The following GPLD1 variants were observed in gnomAD, a reference collection of about 807,000 sequenced individuals.
GPLD1 encodes glycosylphosphatidylinositol specific phospholipase D1.
Under a neutral mutation model 112.6 loss-of-function variants are expected in GPLD1, and 84 were observed. The observed-to-expected ratio is 0.75, with a 90% CI of 0.63 to 0.89. GPLD1 has a LOEUF of 0.89. Ranked by LOEUF, GPLD1 falls within the 40% of genes least tolerant of loss-of-function variation. GPLD1 has a pLI of 0.00. For missense variants in GPLD1, 1,044 were observed against 1,051.5 expected (o/e 0.99, Z 0.10); for synonymous variants, 386 against 403.8 (o/e 0.96, Z 0.53).
chr6:24,471,366 G>A (rs1020378469), intron 7 of GPLD1, among the ~76,000 whole-genome samples: 2 of 152,042 alleles, frequency 1.3e-5, no homozygotes, highest in Non-Finnish European at 1.5e-5. Flanking sequence ...TGGAGGCTGA[G>A]GTGGGAGGAT....
chr6:24,443,208 T>C (rs1762802460), intron 20 of GPLD1, among the ~76,000 whole-genome samples: 1 of 152,052 alleles, frequency 6.6e-6, no homozygotes, highest in South Asian at 2.1e-4. Context: ...AAGAAACTGT[T>C]TTAAAGGAAG....
intron 2 of GPLD1, among the ~76,000 whole-genome samples, chr6:24,483,946 T>C (rs188616651): frequency 1.2e-3 from 180 of 152,044 alleles, no homozygotes; most frequent in African/African-American, 4.2e-3. Context: ...AGTCTCACTC[T>C]GTCTCCCAGG....
chr6:24,437,196 A>G lies in GPLD1; in HGVS notation c.2114T>C (p.Leu705Pro). 2 of 1,614,210 alleles carry G rather than the reference A, an allele frequency of 1.2e-6. No individual in the cohort carries two copies. Among genetic ancestry groups the G allele is most frequent in the Non-Finnish European group, 1.7e-6 (2 of 1,179,990 alleles). The change falls in exon 21 of 25, where the codon CTG becomes CCG. Residue 705 changes from leucine to proline, a missense_variant. By Grantham distance (98) the Leu-to-Pro change is moderately conservative. Transcript: ENST00000230036. ...GCGGTCTCCGCTGAAGGTGCTGAGCAGCAGAGGCTGCGCGTCAGATGTGAG... is the reference window on the plus strand; with the variant it reads ...GCGGTCTCCGCTGAAGGTGCTGAGCGGCAGAGGCTGCGCGTCAGATGTGAG... ...YALTSDAQPL[L>P]LSTFSGDRRF...
intron 20 of GPLD1, among the ~76,000 whole-genome samples, chr6:24,438,945 C>T (rs1762663710): frequency 6.6e-6 from 1 of 152,116 alleles, no homozygotes; most frequent in Admixed American, 6.5e-5. Flanking sequence ...CGCCACCACG[C>T]CTAATTTTTT....
chr6:24,452,333 T>C (rs2127339786), intron 14 of GPLD1, among the ~76,000 whole-genome samples: 2 of 152,350 alleles, frequency 1.3e-5, no homozygotes, highest in Admixed American at 1.3e-4. Context: ...AAATTTTTCA[T>C]GTGGTGTCAG....
At chr6:24,482,846 G>A (rs112485842) in intron 2 of GPLD1, among the ~76,000 whole-genome samples, 4,644 of 152,190 alleles carry the variant, frequency 0.031, 154 homozygotes, top group African/African-American at 0.072. Context: ...TTGGGAGGCT[G>A]AGGTGGGAGG....
chr6:24,459,735 G>C (rs1763375268), intron 12 of GPLD1, among the ~76,000 whole-genome samples: 1 of 152,176 alleles, frequency 6.6e-6, no homozygotes, highest in Non-Finnish European at 1.5e-5. Flanking sequence ...TAACTTCATT[G>C]ATTAATTTCA....
At chr6:24,484,115 C>A (rs1764293523) in intron 2 of GPLD1, among the ~76,000 whole-genome samples, 1 of 151,872 alleles carries the variant, frequency 6.6e-6, no homozygotes, top group Non-Finnish European at 1.5e-5. Flanking sequence ...CGGGGTTTCA[C>A]CGTGTTAGCC....
chr6:24,481,440 T>C (rs952869472), intron 2 of GPLD1, among the ~76,000 whole-genome samples: 19 of 151,234 alleles, frequency 1.3e-4, no homozygotes, highest in Admixed American at 1.2e-3. Context: ...CAAAGAAAGA[T>C]AGTATCATCT....
At chr6:24,439,526 A>G (rs1264276774) in intron 20 of GPLD1, among the ~76,000 whole-genome samples, 3 of 152,258 alleles carry the variant, frequency 2.0e-5, no homozygotes, top group Non-Finnish European at 4.4e-5. Context: ...AGAGAAGCAT[A>G]TAATTTAAAA....
intron 12 of GPLD1, among the ~76,000 whole-genome samples, chr6:24,459,094 G>C (rs560809293): frequency 6.6e-6 from 1 of 152,006 alleles, no homozygotes; most frequent in African/African-American, 2.4e-5. Context: ...CGACTACTCA[G>C]ATTTCCCAAC....
At chr6:24,476,344 C>G (rs1306060986) in intron 3 of GPLD1, 66 bp from the exon 4 acceptor site, 10 of 791,586 alleles carry the variant, frequency 1.3e-5, no homozygotes, top group Non-Finnish European at 2.2e-5. Context: ...TCAAATCTTC[C>G]ACACCACCCG....
chr6:24,452,034 CAG>C (rs201856525), intron 14 of GPLD1, among the ~76,000 whole-genome samples: 4,100 of 152,296 alleles, frequency 0.027, 61 homozygotes, highest in Middle Eastern at 0.071. Context: ...AATGAGGACA[CAG>C]AGATGCTCAC....
rs754765403 is a variant in GPLD1 at position 24,448,147 on chromosome 6, G to C, written c.1508C>G (p.Thr503Ser). ...TGGTAAACATACCTGGCAAGAAATG[G>C]TGATGTTAGGGGAAGAAGACATTCC... ...QGGMSSSPNI[T>S]ISCQDIYCNL... The change falls in exon 16 of 25, where the codon ACC becomes AGC. Residue 503 changes from threonine to serine, a missense_variant. Coordinates refer to ENST00000230036, the MANE Select transcript of GPLD1 (RefSeq NM_001503.4). The C allele has an allele frequency of 1.9e-6, 3 of 1,611,506 alleles. No homozygotes were observed. The highest frequency in any genetic ancestry group is 2.2e-5 in the South Asian group (2 of 90,930).
intron 7 of GPLD1, among the ~76,000 whole-genome samples, chr6:24,468,372 T>C (rs1763687645): frequency 6.6e-6 from 1 of 152,206 alleles, no homozygotes; most frequent in African/African-American, 2.4e-5. Flanking sequence ...CTTTGCCTAA[T>C]TGTTTCACTA....
intron 1 of GPLD1, chr6:24,494,870 C>A (rs1205350968): frequency 1.6e-5 from 18 of 1,096,734 alleles, no homozygotes; most frequent in African/African-American, 3.3e-5. Flanking sequence ...TGCAACCTTC[C>A]GCCAGCTCCC....
At chr6:24,437,937 C>A (rs1308554933) in intron 20 of GPLD1, among the ~76,000 whole-genome samples, 1 of 152,198 alleles carries the variant, frequency 6.6e-6, no homozygotes, top group Non-Finnish European at 1.5e-5. Context: ...TGCTCCCATA[C>A]ATAATAACAC....
At chr6:24,461,653 C>G (rs1763441584) in intron 11 of GPLD1, among the ~76,000 whole-genome samples, 1 of 151,938 alleles carries the variant, frequency 6.6e-6, no homozygotes, top group Non-Finnish European at 1.5e-5. Flanking sequence ...GGAGAACCCT[C>G]CTGTGCCCAG....
chr6:24,433,372 A>G lies in GPLD1; in HGVS notation c.2376T>C (p.Ile792=). 2.5e-6 allele frequency: 4 copies of G among 1,609,092 alleles called. No individual in the cohort carries two copies. The highest frequency in any genetic ancestry group is 3.4e-6 in the Non-Finnish European group (4 of 1,175,392). ...TTCAAGGGATACTTACTTCAGGAGAAATCAATACATATTGGGCCTGAAGAA... is the reference window on the plus strand; with the variant it reads ...TTCAAGGGATACTTACTTCAGGAGAGATCAATACATATTGGGCCTGAAGAA... ...CPEEKAQYVL[I]SPEASSRFGS... is the part of the protein sequence containing the mutation. The change falls in exon 23 of 25, where the codon ATT becomes ATC. Residue 792 remains isoleucine (I), a synonymous_variant. Transcript: ENST00000230036.
Sources: gnomAD v4.1 joint callset for allele counts (sites outside exome capture counted in the v4.1 genomes callset) on GRCh38, gnomAD v4.1.1 for gene constraint, MANE v1.5 for transcripts, NCBI Gene and HGNC (gene_info 2026-07-23, HGNC 2026-07-21) for gene names.